Variants in TNFSF4 observed in about 807,000 individuals in gnomAD.
TNFSF4 encodes tumor necrosis factor ligand superfamily member 4.
Under a neutral mutation model 7.3 loss-of-function variants are expected in TNFSF4, and 4 were observed. The ratio of observed to expected loss-of-function variants is 0.55; its 90% confidence interval spans 0.27 to 1.25. The LOEUF (loss-of-function observed/expected upper bound fraction) is 1.25. Ranked by LOEUF, TNFSF4 falls within the 50% of genes most tolerant of loss-of-function variation. TNFSF4 has a pLI of 0.12. For missense variants in TNFSF4, 181 were observed against 208.8 expected (o/e 0.87, Z 0.82); for synonymous variants, 76 against 83.7 (o/e 0.91, Z 0.50).
chr1:173,382,973 T>A, the TNFSF4 span, among the ~76,000 whole-genome samples: 1 of 152,110 alleles, frequency 6.6e-6, no homozygotes, highest in Non-Finnish European at 1.5e-5. Flanking sequence ...ACAAAATCAA[T>A]GGCAATTATC....
the TNFSF4 span, among the ~76,000 whole-genome samples, chr1:173,326,372 T>A: frequency 6.6e-6 from 1 of 152,156 alleles, no homozygotes; most frequent in Non-Finnish European, 1.5e-5. Context: ...TATCTCAAAA[T>A]AATAAGAGCT....
the TNFSF4 span, among the ~76,000 whole-genome samples, chr1:173,323,322 G>A: frequency 2.0e-5 from 3 of 152,278 alleles, no homozygotes; most frequent in South Asian, 6.2e-4. Flanking sequence ...TGCAGCTGAG[G>A]GTCCTGACTA....
chr1:173,390,827 C>T, the TNFSF4 span, among the ~76,000 whole-genome samples: 1 of 144,754 alleles, frequency 6.9e-6, no homozygotes, highest in Admixed American at 7.2e-5. Context: ...CTCACTACAA[C>T]ATCTGCCTCC....
chr1:173,324,189 G>A, the TNFSF4 span, among the ~76,000 whole-genome samples: 1 of 152,210 alleles, frequency 6.6e-6, no homozygotes, highest in Admixed American at 6.5e-5. Flanking sequence ...CAAGCCAGAA[G>A]GGGCGGGGGG....
the TNFSF4 span, among the ~76,000 whole-genome samples, chr1:173,412,134 A>AG: frequency 6.6e-6 from 1 of 150,610 alleles, no homozygotes; most frequent in Non-Finnish European, 1.5e-5. Flanking sequence ...AAAAAAAAAA[A>AG]GGAAATAGTT....
the TNFSF4 span, among the ~76,000 whole-genome samples, chr1:173,312,027 C>T: frequency 6.6e-6 from 1 of 152,166 alleles, no homozygotes; most frequent in South Asian, 2.1e-4. Flanking sequence ...ATTCCATTTA[C>T]TTGATTCTGG....
the TNFSF4 span, among the ~76,000 whole-genome samples, chr1:173,437,934 C>T: frequency 6.6e-6 from 1 of 151,988 alleles, no homozygotes; most frequent in Non-Finnish European, 1.5e-5. Flanking sequence ...AAATTAAAAT[C>T]ACATCATCAA....
At chr1:173,199,091 T>C (rs13343108) in intron 1 of TNFSF4, among the ~76,000 whole-genome samples, 48,374 of 152,102 alleles carry the variant, frequency 0.32, 9,037 homozygotes, top group African/African-American at 0.51. Context: ...CCGTACCCTC[T>C]TTGGTTATCC....
At chr1:173,375,991 C>T in the TNFSF4 span, among the ~76,000 whole-genome samples, 2 of 152,140 alleles carry the variant, frequency 1.3e-5, no homozygotes, top group Admixed American at 1.3e-4. Context: ...TGATGGAAGC[C>T]AACCCTCTCT....
Position 173,186,264 on chromosome 1 carries a change from G to A in TNFSF4, c.*252C>T, listed in dbSNP as rs1649220880. 1 of 408,036 alleles carries A rather than the reference G, an allele frequency of 2.5e-6. No homozygotes were observed. The highest frequency in any genetic ancestry group is 2.0e-5 in the African/African-American group (1 of 50,020). The allele number at this position is 408,036 out of a possible 1,614,324, so 25.3% of individuals were successfully genotyped here. A position where few individuals can be genotyped will look rare whatever the true frequency, so the allele number is the denominator to read the frequency against. On this transcript the variant is annotated 3_prime_UTR_variant, in exon 3 of 3. Transcript: ENST00000281834. ...TCTTTCTCACAAAGGTGCCTAGTAG[G>A]CTCAAGGCAATCTTGGGGTGTGACG...
chr1:173,237,164 G>T, the TNFSF4 span, among the ~76,000 whole-genome samples: 1 of 152,112 alleles, frequency 6.6e-6, no homozygotes, highest in Non-Finnish European at 1.5e-5. Context: ...CTGTGAGACT[G>T]CCCCAGCCAT....
chr1:173,180,319 T>C (rs757059153), downstream of TNFSF4, among the ~76,000 whole-genome samples: 1 of 152,204 alleles, frequency 6.6e-6, no homozygotes, highest in Non-Finnish European at 1.5e-5. Context: ...CCACTCACTA[T>C]ATTCAACGCT....
the TNFSF4 span, chr1:173,362,753 T>A: frequency 2.5e-6 from 1 of 397,958 alleles, no homozygotes; most frequent in South Asian, 2.2e-5. Context: ...TGAAGATACT[T>A]GCTTTGCCAA....
At chr1:173,337,318 A>G in the TNFSF4 span, among the ~76,000 whole-genome samples, 1 of 152,186 alleles carries the variant, frequency 6.6e-6, no homozygotes, top group African/African-American at 2.4e-5. Flanking sequence ...GATCCCCATC[A>G]TGAATTGGCT....
chr1:173,346,643 G>A, the TNFSF4 span, among the ~76,000 whole-genome samples: 1 of 152,078 alleles, frequency 6.6e-6, no homozygotes. Context: ...AAAATATAAG[G>A]AGGGTGTTAG....
chr1:173,233,856 C>T, the TNFSF4 span, among the ~76,000 whole-genome samples: 1 of 152,050 alleles, frequency 6.6e-6, no homozygotes, highest in Non-Finnish European at 1.5e-5. Flanking sequence ...AGAAGAAAAC[C>T]TAGGCAATAC....
chr1:173,188,476 A>G (rs748898234), intron 2 of TNFSF4, 45 bp downstream of exon 2: 3 of 1,444,582 alleles, frequency 2.1e-6, no homozygotes, highest in Non-Finnish European at 2.9e-6. Flanking sequence ...TGAAGAGAAG[A>G]TTCTTTCAAA....
chr1:173,339,606 T>A, the TNFSF4 span, among the ~76,000 whole-genome samples: 1 of 152,194 alleles, frequency 6.6e-6, no homozygotes, highest in Non-Finnish European at 1.5e-5. Flanking sequence ...TCTCTTCTCA[T>A]GCAACATAAG....
the TNFSF4 span, among the ~76,000 whole-genome samples, chr1:173,379,715 T>C: frequency 6.6e-6 from 1 of 152,190 alleles, no homozygotes; most frequent in Non-Finnish European, 1.5e-5. Flanking sequence ...GCCTTAGTCA[T>C]GGCCCTCAGA....
Sources: allele counts gnomAD v4.1 joint callset (sites outside exome capture counted in the v4.1 genomes callset), GRCh38; gene constraint gnomAD v4.1.1; transcripts MANE v1.5; gene names NCBI Gene and HGNC (gene_info 2026-07-23, HGNC 2026-07-21).